DMXL1: variants seen among roughly 807,000 people sequenced by gnomAD.
The protein encoded by DMXL1 is dmX-like protein 1.
DMXL1 carries 99 observed loss-of-function variants against 319.2 expected under a neutral mutation model. The ratio of observed to expected loss-of-function variants is 0.31; its 90% confidence interval spans 0.26 to 0.37. The LOEUF (loss-of-function observed/expected upper bound fraction) is 0.37, where lower values mean the gene tolerates loss of function less well. DMXL1 is among the 10% of genes least tolerant of loss of function. The pLI is 1.00. For missense variants in DMXL1, 3,745 were observed against 3,595.6 expected, an observed-to-expected ratio of 1.04 and a Z score of -1.06; for synonymous variants, 1,385 against 1,235.2, an observed-to-expected ratio of 1.12 and a Z score of -2.54.
intron 23 of DMXL1, 29 bp downstream of exon 23, chr5:119,167,893 T>TA: frequency 6.3e-7 from 1 of 1,595,490 alleles, no homozygotes; most frequent in Non-Finnish European, 8.5e-7. Context: ...ATGTTAATGA[T>TA]TAAGAATATT....
intron 1 of DMXL1, among the ~76,000 whole-genome samples, chr5:119,075,189 A>G (rs778020442): frequency 3.3e-5 from 5 of 151,966 alleles, no homozygotes; most frequent in Non-Finnish European, 5.9e-5. Flanking sequence ...AATAGCTTTA[A>G]TCATTTAGAT....
At chr5:119,154,248 A>G (rs1165387368) in intron 19 of DMXL1, among the ~76,000 whole-genome samples, 1 of 152,252 alleles carries the variant, frequency 6.6e-6, no homozygotes, top group Non-Finnish European at 1.5e-5. Flanking sequence ...ATCAAAAGCT[A>G]GAAAGGACTA....
intron 32 of DMXL1, among the ~76,000 whole-genome samples, chr5:119,202,380 A>G (rs1307881754): frequency 6.6e-6 from 1 of 152,154 alleles, no homozygotes; most frequent in Non-Finnish European, 1.5e-5. Flanking sequence ...TTATTGGATT[A>G]TAGCCATAAA....
chr5:119,092,342 A>G (rs899229140), intron 1 of DMXL1, among the ~76,000 whole-genome samples: 2 of 150,226 alleles, frequency 1.3e-5, no homozygotes, highest in African/African-American at 4.9e-5. Context: ...CTGATCTCAA[A>G]CTCCTGGGCT....
chr5:119,148,950 T>C lies in DMXL1; in HGVS notation c.3123T>C (p.Thr1041=). The part of the protein sequence containing the change: ...EDGLQSNSSI[T]VPGRPVEVSC... ...GACTTCAGAGCAATAGTAGTATAAC[T>C]GTACCTGGTAGGCCTGTAGAAGTTA... Residue 1041 remains threonine (T), a synonymous_variant, in exon 18 of 44, where the codon ACT becomes ACC. Transcript: ENST00000539542. The C allele has an allele frequency of 6.2e-7, 1 of 1,613,968 alleles. No homozygotes were observed. Among genetic ancestry groups the C allele is most frequent in the South Asian group, 1.1e-5 (1 of 91,086 alleles).
In DMXL1 at chr5:119,239,012, A is replaced by G. The variant is rs1212423649; in HGVS notation, c.8583A>G (p.Thr2861=). ...PYLTWQCHNK[T]ANDFVFVSSS... ...AGACTTGGCAGTGTCATAACAAAAC[A>G]GCCAATGATTTTGTCTTCGTTAGTT... The change falls in exon 41 of 44, where the codon ACA becomes ACG. Residue 2861 remains threonine (T), a synonymous_variant. Coordinates refer to ENST00000539542, the MANE Select transcript of DMXL1 (RefSeq NM_001290321.3). 7 of 1,613,896 alleles carry G rather than the reference A, an allele frequency of 4.3e-6. No individual in the cohort carries two copies. Among genetic ancestry groups the G allele is most frequent in the Non-Finnish European group, 5.9e-6 (7 of 1,179,934 alleles).
intron 29 of DMXL1, among the ~76,000 whole-genome samples, chr5:119,190,144 T>G (rs1267240938): frequency 1.3e-5 from 2 of 148,372 alleles, no homozygotes; most frequent in African/African-American, 5.3e-5. Flanking sequence ...ATATTTCTTA[T>G]AAGATAAAAG....
chr5:119,102,744 A>G (rs150797106), intron 3 of DMXL1, among the ~76,000 whole-genome samples: 262 of 152,296 alleles, frequency 1.7e-3, no homozygotes, highest in Middle Eastern at 0.014. Flanking sequence ...GTGGTGAGCA[A>G]TGATGGCACC....
chr5:119,229,158 A>AG (rs1209418113), intron 38 of DMXL1, among the ~76,000 whole-genome samples: 2 of 150,192 alleles, frequency 1.3e-5, no homozygotes, highest in Non-Finnish European at 3.0e-5. Context: ...TCCACAATAA[A>AG]GGAAAAAAAA....
intron 25 of DMXL1, among the ~76,000 whole-genome samples, chr5:119,172,410 G>C (rs1051958817): frequency 6.6e-6 from 1 of 152,136 alleles, no homozygotes; most frequent in Non-Finnish European, 1.5e-5. Context: ...CATCCTTCTA[G>C]GATAGGCAGT....
intron 1 of DMXL1, among the ~76,000 whole-genome samples, chr5:119,071,949 T>C (rs1044187324): frequency 6.6e-6 from 1 of 152,182 alleles, no homozygotes; most frequent in Non-Finnish European, 1.5e-5. Flanking sequence ...TGTTCAAAAA[T>C]CTTTGTTGAG....
intron 1 of DMXL1, among the ~76,000 whole-genome samples, chr5:119,076,052 A>C (rs1279504721): frequency 2.0e-5 from 3 of 152,106 alleles, no homozygotes; most frequent in Non-Finnish European, 4.4e-5. Flanking sequence ...TTTGAATGAT[A>C]TGGAAAGGGA....
chr5:119,207,633 C>T (rs934672340), intron 34 of DMXL1, among the ~76,000 whole-genome samples: 1 of 152,162 alleles, frequency 6.6e-6, no homozygotes, highest in African/African-American at 2.4e-5. Flanking sequence ...ATTCTCCTGC[C>T]TCAACCTCCC....
At chr5:119,122,392 C>T (rs1232029831) in intron 9 of DMXL1, among the ~76,000 whole-genome samples, 3 of 148,808 alleles carry the variant, frequency 2.0e-5, no homozygotes, top group South Asian at 2.1e-4. Flanking sequence ...GGCGACCGGG[C>T]AGAGGCGCCC....
At chr5:119,219,210 T>C (rs1227385607) in intron 35 of DMXL1, among the ~76,000 whole-genome samples, 3 of 152,190 alleles carry the variant, frequency 2.0e-5, no homozygotes, top group Non-Finnish European at 4.4e-5. Flanking sequence ...TAGTAGGTTA[T>C]ATTACAGGAG....
At chr5:119,189,405 T>C (rs1425156212) in intron 28 of DMXL1, among the ~76,000 whole-genome samples, 2 of 152,218 alleles carry the variant, frequency 1.3e-5, no homozygotes, top group African/African-American at 4.8e-5. Flanking sequence ...TTTCCTATCG[T>C]GTTCCTAGTT....
intron 34 of DMXL1, among the ~76,000 whole-genome samples, chr5:119,209,815 A>C (rs1271985700): frequency 1.3e-5 from 2 of 152,010 alleles, no homozygotes; most frequent in Non-Finnish European, 2.9e-5. Context: ...TTCAAATCTT[A>C]TGTTTATTTT....
chr5:119,119,126 C>A, intron 8 of DMXL1, 122 bp downstream of exon 8: 1 of 657,574 alleles, frequency 1.5e-6, no homozygotes, highest in Non-Finnish European at 2.4e-6. Flanking sequence ...AGAAAATTTT[C>A]AGTTCTATTT....
chr5:119,181,276 A>G (rs1424354162), intron 28 of DMXL1, among the ~76,000 whole-genome samples: 1 of 152,202 alleles, frequency 6.6e-6, no homozygotes, highest in Non-Finnish European at 1.5e-5. Context: ...TCAGCCAATA[A>G]TAAGGAATAC....
Sources: allele counts gnomAD v4.1 joint callset (sites outside exome capture counted in the v4.1 genomes callset), GRCh38; gene constraint gnomAD v4.1.1; transcripts MANE v1.5; gene names NCBI Gene and HGNC (gene_info 2026-07-23, HGNC 2026-07-21).